The following HSF2 variants were observed in gnomAD, a reference collection of about 807,000 sequenced individuals.
The protein encoded by HSF2 is heat shock factor protein 2.
HSF2 carries 21 observed loss-of-function variants against 65.0 expected under a neutral mutation model. The observed-to-expected ratio is 0.32, with a 90% CI of 0.23 to 0.47. HSF2 has a LOEUF of 0.47. HSF2 is among the 20% of genes least tolerant of loss of function. HSF2 has a pLI of 1.00. For missense variants in HSF2, 499 were observed against 628.1 expected (o/e 0.79, Z 2.20); for synonymous variants, 225 against 219.1 (o/e 1.03, Z -0.24).
chr6:122,421,620 T>C (rs1270639130), intron 7 of HSF2, among the ~76,000 whole-genome samples: 1 of 152,050 alleles, frequency 6.6e-6, no homozygotes, highest in Non-Finnish European at 1.5e-5. Flanking sequence ...TGAATATATC[T>C]GTAGCTTAAG....
chr6:122,423,829 A>G (rs1371688783), intron 10 of HSF2, 143 bp downstream of exon 10: 4 of 486,700 alleles, frequency 8.2e-6, no homozygotes, highest in Non-Finnish European at 1.4e-5. Context: ...TTTATCAGAA[A>G]GAATGAAAAA....
rs34250735 is a variant in HSF2 at position 122,432,061 on chromosome 6, T to C, written c.1452T>C (p.Asp484=). Residue 484 remains aspartate (D), a synonymous_variant, in exon 13 of 13, where the codon GAT becomes GAC. Coordinates refer to ENST00000368455, the MANE Select transcript of HSF2 (RefSeq NM_004506.4). Reference sequence around the variant, plus strand: ...CTGTAGATAAACCCATAGAAGTTGATGAGCTTCTGGATAGCAGCCTAGACC... The same window carrying C: ...CTGTAGATAAACCCATAGAAGTTGACGAGCTTCTGGATAGCAGCCTAGACC... ...LSSVDKPIEV[D]ELLDSSLDPE... is the part of the protein sequence containing the mutation. 831 of 1,614,150 alleles carry C rather than the reference T, an allele frequency of 5.1e-4. 2 individuals are homozygous for C. In the African/African-American group the frequency reaches 9.8e-3, roughly 19 times the overall value.
At position 122,399,776 on chromosome 6, in the gene HSF2, G is replaced by A. The variant is rs759076629; in HGVS notation, c.39G>A (p.Lys13=). ...CGAACGTGCCGGCTTTCCTCAGCAAGCTGTGGACGCTTGTGGAGGAAACCC... is the reference window on the plus strand; with the variant it reads ...CGAACGTGCCGGCTTTCCTCAGCAAACTGTGGACGCTTGTGGAGGAAACCC... ...QSSNVPAFLS[K]LWTLVEETHT... is the part of the protein sequence containing the mutation. Residue 13 remains lysine (K), a synonymous_variant, in exon 1 of 13, where the codon AAG becomes AAA. Transcript: ENST00000368455. 3.7e-6 allele frequency: 6 copies of A among 1,612,506 alleles called. No homozygotes were observed. The South Asian group carries it at 4.4e-5, about 12-fold the overall frequency.
intron 1 of HSF2, among the ~76,000 whole-genome samples, chr6:122,404,100 C>T (rs1773806692): frequency 6.6e-6 from 1 of 152,218 alleles, no homozygotes; most frequent in Non-Finnish European, 1.5e-5. Context: ...TCATACCCAG[C>T]TTTCCCCCCT....
At position 122,432,332 on chromosome 6, in the gene HSF2, T is replaced by A; in HGVS notation, c.*112T>A. 1.2e-6 allele frequency: 1 copy of A among 866,076 alleles called. No individual in the cohort carries two copies. The highest frequency in any genetic ancestry group is 1.8e-6 in the Non-Finnish European group (1 of 564,784). 53.6% of individuals were successfully genotyped at this position (866,076 alleles called of 1,614,324 possible). A position where few individuals can be genotyped will look rare whatever the true frequency, so the allele number is the denominator to read the frequency against. On this transcript the variant is annotated 3_prime_UTR_variant, in exon 13 of 13. Coordinates refer to ENST00000368455, the MANE Select transcript of HSF2 (RefSeq NM_004506.4). The stretch of plus-strand genomic sequence containing the variant: ...AATTGCTTTGTTTTGTTTAATCAGA[T>A]ACTGTGGAATAAAAGCACCTTTTGC...
chr6:122,408,052 C>A (rs900977705), intron 1 of HSF2, among the ~76,000 whole-genome samples: 1 of 152,064 alleles, frequency 6.6e-6, no homozygotes, highest in Non-Finnish European at 1.5e-5. Context: ...ATCTTCATTA[C>A]CTCCTCTGAA....
chr6:122,418,770 C>T (rs1774174999), intron 5 of HSF2, among the ~76,000 whole-genome samples: 1 of 152,130 alleles, frequency 6.6e-6, no homozygotes, highest in South Asian at 2.1e-4. Context: ...CCACGCCTGG[C>T]CCATCACCTT....
intron 4 of HSF2, among the ~76,000 whole-genome samples, chr6:122,414,197 G>C (rs189859704): frequency 1.3e-5 from 2 of 152,104 alleles, no homozygotes; most frequent in African/African-American, 2.4e-5. Flanking sequence ...AAGATGCTTC[G>C]TTTTATTTTA....
At chr6:122,403,339 C>T (rs1179164412) in intron 1 of HSF2, among the ~76,000 whole-genome samples, 1 of 152,192 alleles carries the variant, frequency 6.6e-6, no homozygotes, top group Non-Finnish European at 1.5e-5. Context: ...GGCGTGGTGG[C>T]TCATGCCTGT....
intron 11 of HSF2, among the ~76,000 whole-genome samples, chr6:122,429,104 G>C (rs562461844): frequency 1.3e-5 from 2 of 152,126 alleles, no homozygotes; most frequent in Admixed American, 1.3e-4. Context: ...GCAGCATGCT[G>C]AATTTGGCAT....
chr6:122,412,458 G>A lies in HSF2; in HGVS notation c.179G>A (p.Ser60Asn). ...PKYFKHNNMASFVRQLNMYGF... is the reference protein window; with the variant it reads ...PKYFKHNNMANFVRQLNMYGF... ...TATTTCAAGCACAATAATATGGCAA[G>A]CTTTGTGAGGCAACTGAATATGTGT... Residue 60 changes from serine to asparagine, a missense_variant, in exon 2 of 13, where the codon AGC becomes AAC. By Grantham distance (46) the Ser-to-Asn change is conservative. Around this residue, in one of 2 missense-constraint regions of HSF2, gnomAD observed 150 missense variants for 234.6 expected, o/e 0.64. Coordinates refer to ENST00000368455, the MANE Select transcript of HSF2 (RefSeq NM_004506.4). 6.2e-7 allele frequency: 1 copy of A among 1,608,666 alleles called. No homozygotes were observed. Among genetic ancestry groups the A allele is most frequent in the Non-Finnish European group, 8.5e-7 (1 of 1,175,340 alleles).
At chr6:122,420,906 TTCA>T (rs931679737) in intron 7 of HSF2, among the ~76,000 whole-genome samples, 74 of 151,504 alleles carry the variant, frequency 4.9e-4, no homozygotes, top group African/African-American at 1.7e-3. Context: ...GTGATGGATT[TTCA>T]TCATGTCACC....
intron 5 of HSF2, among the ~76,000 whole-genome samples, chr6:122,418,743 A>G (rs1053269271): frequency 6.6e-6 from 1 of 152,082 alleles, no homozygotes; most frequent in African/African-American, 2.4e-5. Context: ...AAGTGTTGGG[A>G]TTACAGGCAT....
intron 4 of HSF2, 136 bp from the exon 5 acceptor site, chr6:122,416,085 G>A (rs190273149): frequency 3.5e-6 from 2 of 569,712 alleles, no homozygotes; most frequent in African/African-American, 3.8e-5. Flanking sequence ...TTGAACCAAA[G>A]TTTTCTTGGT....
In HSF2 at chr6:122,430,149, G is replaced by A. The variant is rs927633622; in HGVS notation, c.1231-1281G>A. The stretch of plus-strand genomic sequence containing the variant: ...ATCCGTCTGGTCCTGGCTTTTTTTG[G>A]TTGGTAGGCTATTAATTACTGCCTC... On this transcript the variant is annotated intron_variant, in intron 11 of 12. Transcript: ENST00000368455. 2.6e-5 allele frequency among the ~76,000 whole-genome samples: 4 copies of A among 152,134 alleles called. No homozygotes were observed. The East Asian group carries it at 7.7e-4, about 29-fold the overall frequency.
Position 122,422,158 on chromosome 6 carries a change from C to T in HSF2, c.690C>T (p.His230=). ...TCTCTCTGAATTTTTAGGTTCCACA[C>T]AGTAGGACTGAAGGTTTAAAGCCAA... ...PTDNHHHKVP[H]SRTEGLKPRE... The change falls in exon 8 of 13, where the codon CAC becomes CAT. Residue 230 remains histidine (H), a synonymous_variant. Coordinates refer to ENST00000368455, the MANE Select transcript of HSF2 (RefSeq NM_004506.4). 3 of 1,600,930 alleles carry T rather than the reference C, an allele frequency of 1.9e-6. No individual in the cohort carries two copies. Among genetic ancestry groups the T allele is most frequent in the African/African-American group, 1.3e-5 (1 of 74,648 alleles).
At chr6:122,426,034 C>A (rs895489146) in intron 10 of HSF2, among the ~76,000 whole-genome samples, 3 of 152,018 alleles carry the variant, frequency 2.0e-5, no homozygotes, top group Non-Finnish European at 4.4e-5. Context: ...ACCTTGAATT[C>A]TCTTTCTCTC....
At chr6:122,417,621 T>C (rs563273135) in intron 5 of HSF2, among the ~76,000 whole-genome samples, 9 of 152,324 alleles carry the variant, frequency 5.9e-5, no homozygotes, top group African/African-American at 2.2e-4. Context: ...GGTCCAGTTA[T>C]AGGACTTAAC....
chr6:122,432,306 A>C lies in HSF2; in HGVS notation c.*86A>C. ...AAGTATCATTTGGTACTTTTTTTGTAAATTGCTTTGTTTTGTTTAATCAGA... is the reference window on the plus strand; with the variant it reads ...AAGTATCATTTGGTACTTTTTTTGTCAATTGCTTTGTTTTGTTTAATCAGA... On this transcript the variant is annotated 3_prime_UTR_variant, in exon 13 of 13. Coordinates refer to ENST00000368455, the MANE Select transcript of HSF2 (RefSeq NM_004506.4). 8.4e-7 allele frequency: 1 copy of C among 1,185,628 alleles called. No homozygotes were observed. Among genetic ancestry groups the C allele is most frequent in the Non-Finnish European group, 1.2e-6 (1 of 837,470 alleles). 73.4% of individuals were successfully genotyped at this position (1,185,628 alleles called of 1,614,324 possible). A position where few individuals can be genotyped will look rare whatever the true frequency, so the allele number is the denominator to read the frequency against.
Sources: allele counts gnomAD v4.1 joint callset (sites outside exome capture counted in the v4.1 genomes callset), GRCh38; gene constraint gnomAD v4.1.1; regional missense constraint gnomAD v4.1.1; transcripts MANE v1.5; gene names NCBI Gene and HGNC (gene_info 2026-07-23, HGNC 2026-07-21).